The following WARS2 variants were observed in gnomAD, a reference collection of about 807,000 sequenced individuals.
The protein encoded by WARS2 is tryptophan--tRNA ligase, mitochondrial.
WARS2 carries 28 observed loss-of-function variants against 36.5 expected under a neutral mutation model. The observed-to-expected ratio is 0.77, with a 90% CI of 0.57 to 1.05. The LOEUF is 1.05. Among genes scored for constraint, WARS2 ranks in the 50% least tolerant of loss-of-function variants. The pLI is 0.00. For synonymous variants in WARS2, 174 were observed against 178.4 expected (o/e 0.98, Z 0.20); for missense variants, 435 against 456.8 (o/e 0.95, Z 0.44).
At chr1:119,076,129 C>T (rs182363198) in intron 2 of WARS2, among the ~76,000 whole-genome samples, 8 of 152,018 alleles carry the variant, frequency 5.3e-5, no homozygotes, top group South Asian at 2.1e-4. Context: ...ATAAACTTAC[C>T]GAATACAGTG....
chr1:119,120,114 C>CA (rs1183702649), intron 1 of WARS2, among the ~76,000 whole-genome samples: 2 of 151,724 alleles, frequency 1.3e-5, no homozygotes, highest in African/African-American at 4.8e-5. Context: ...ATAAATGAAA[C>CA]AAAAAGCTGG....
intron 1 of WARS2, among the ~76,000 whole-genome samples, chr1:119,112,461 T>C (rs1319640059): frequency 6.6e-6 from 1 of 152,016 alleles, no homozygotes; most frequent in African/African-American, 2.4e-5. Flanking sequence ...AGAGAGAGAA[T>C]ATAAAAACAG....
intron 1 of WARS2, among the ~76,000 whole-genome samples, chr1:119,110,641 T>C (rs1176007049): frequency 1.3e-5 from 2 of 152,060 alleles, no homozygotes; most frequent in African/African-American, 4.8e-5. Context: ...TGCACTTATC[T>C]TGCTTGGTGG....
chr1:119,046,671 TCA>T (rs967625930), intron 2 of WARS2, among the ~76,000 whole-genome samples: 15 of 152,034 alleles, frequency 9.9e-5, no homozygotes, highest in Admixed American at 2.6e-4. Context: ...TTTGTTTGTT[TCA>T]ACCAAATTTA....
chr1:119,134,329 A>AAAAAAC (rs1553183022), intron 1 of WARS2, among the ~76,000 whole-genome samples: 3 of 150,868 alleles, frequency 2.0e-5, no homozygotes, highest in Non-Finnish European at 4.4e-5. Context: ...CAAAAAAAAA[A>AAAAAAC]AAAAAAAAAA....
chr1:119,042,123 G>T, intron 4 of WARS2, 141 bp downstream of exon 4: 1 of 616,110 alleles, frequency 1.6e-6, no homozygotes. Context: ...TAGTATTTCT[G>T]GGGAATAGAT....
chr1:119,051,554 C>G (rs989553749), intron 2 of WARS2, among the ~76,000 whole-genome samples: 7 of 152,050 alleles, frequency 4.6e-5, no homozygotes, highest in African/African-American at 1.7e-4. Flanking sequence ...GGTATATACC[C>G]AGTAATGGGA....
intron 1 of WARS2, among the ~76,000 whole-genome samples, chr1:119,105,267 G>A (rs964987561): frequency 2.6e-5 from 4 of 152,140 alleles, no homozygotes; most frequent in African/African-American, 9.7e-5. Context: ...TCTGTGATGG[G>A]ACTAAATGGA....
chr1:119,126,506 A>G, intron 1 of WARS2: 1 of 470,056 alleles, frequency 2.1e-6, no homozygotes, highest in Non-Finnish European at 3.9e-6. Context: ...CACAAATAGG[A>G]CTTTTTATTT....
chr1:119,069,985 G>A (rs913040546), intron 2 of WARS2, among the ~76,000 whole-genome samples: 8 of 152,254 alleles, frequency 5.3e-5, no homozygotes, highest in Non-Finnish European at 7.4e-5. Context: ...TACATCTTCC[G>A]TAAGTGGTGC....
intron 4 of WARS2, among the ~76,000 whole-genome samples, chr1:119,035,416 C>T (rs1252560841): frequency 2.0e-5 from 3 of 152,102 alleles, no homozygotes; most frequent in Admixed American, 6.5e-5. Flanking sequence ...TGAGGTTCAT[C>T]ATGGAGCTTA....
chr1:119,076,432 C>T lies in WARS2; in HGVS notation c.266G>A (p.Arg89Gln), dbSNP rs1356082200. 3 of 1,613,976 alleles carry T rather than the reference C, an allele frequency of 1.9e-6. No individual in the cohort carries two copies. Among genetic ancestry groups the T allele is most frequent in the South Asian group, 2.2e-5 (2 of 91,064 alleles). ...ITVPQDPAVL[R>Q]QSILDMTAVL... ...AGCAGTCATGTCCAGGATGCTCTGC[C>T]GAAGGACAGCTGGGTCTTGGGGGAC... Residue 89 changes from arginine (R) to glutamine (Q), a missense_variant, in exon 2 of 6, where the codon CGG (arginine) becomes CAG (glutamine). By Grantham distance (43) the Arg-to-Gln change is conservative (BLOSUM62 1). Coordinates refer to ENST00000235521, the MANE Select transcript of WARS2 (RefSeq NM_015836.4).
intron 2 of WARS2, among the ~76,000 whole-genome samples, chr1:119,049,204 C>T (rs1368942632): frequency 1.3e-5 from 2 of 152,238 alleles, no homozygotes; most frequent in Non-Finnish European, 1.5e-5. Context: ...CACCAGCGGG[C>T]CACTGACGGG....
intron 1 of WARS2, among the ~76,000 whole-genome samples, chr1:119,104,053 A>C (rs983271999): frequency 1.2e-4 from 18 of 151,444 alleles, no homozygotes; most frequent in African/African-American, 4.3e-4. Flanking sequence ...TCCTGAGTTC[A>C]AGTGATCCTC....
At chr1:119,043,778 A>C (rs1424451068) in intron 3 of WARS2, among the ~76,000 whole-genome samples, 1 of 152,240 alleles carries the variant, frequency 6.6e-6, no homozygotes, top group Non-Finnish European at 1.5e-5. Flanking sequence ...TGAAATTACA[A>C]GGGAGAGGGA....
intron 1 of WARS2, among the ~76,000 whole-genome samples, chr1:119,114,969 A>C (rs1654869697): frequency 6.6e-6 from 1 of 152,146 alleles, no homozygotes; most frequent in African/African-American, 2.4e-5. Flanking sequence ...TCCACATTTT[A>C]AAATAACAGA....
chr1:119,112,451 A>G (rs1194154971), intron 1 of WARS2, among the ~76,000 whole-genome samples: 1 of 152,202 alleles, frequency 6.6e-6, no homozygotes, highest in Admixed American at 6.5e-5. Context: ...ATGATGCAGA[A>G]GAGAGAGAAT....
chr1:119,130,013 A>G (rs1399106447), intron 1 of WARS2, among the ~76,000 whole-genome samples: 2 of 152,198 alleles, frequency 1.3e-5, no homozygotes, highest in African/African-American at 4.8e-5. Context: ...GCCTGTCTAC[A>G]TCGTGTAACG....
intron 1 of WARS2, among the ~76,000 whole-genome samples, chr1:119,129,733 A>T (rs72707321): frequency 0.044 from 6,754 of 151,922 alleles, 178 homozygotes; most frequent in Middle Eastern, 0.065. Context: ...AAAATAAAAA[A>T]AAAATAAAAT....
Sources: allele counts gnomAD v4.1 joint callset (sites outside exome capture counted in the v4.1 genomes callset), GRCh38; gene constraint gnomAD v4.1.1; transcripts MANE v1.5; gene names NCBI Gene and HGNC (gene_info 2026-07-23, HGNC 2026-07-21).